Variants in SLC9A9 observed in about 807,000 individuals in gnomAD.
SLC9A9 encodes the protein sodium/hydrogen exchanger 9.
In SLC9A9, 62 loss-of-function variants were observed where a neutral mutation model predicts 77.8. The observed-to-expected ratio is 0.80, with a 90% CI of 0.65 to 0.98. The LOEUF (loss-of-function observed/expected upper bound fraction) is 0.98. Among genes scored for constraint, SLC9A9 ranks in the 50% least tolerant of loss-of-function variants. The probability of loss-of-function intolerance (pLI) is 0.00; values close to 1 mark genes in which losing one functional copy is unlikely to be tolerated. For missense variants in SLC9A9, 775 were observed against 774.9 expected (o/e 1.00, Z 0.00); for synonymous variants, 320 against 283.5 (o/e 1.13, Z -1.29).
At chr3:143,624,471 C>T (rs1396599671) in intron 6 of SLC9A9, among the ~76,000 whole-genome samples, 1 of 152,144 alleles carries the variant, frequency 6.6e-6, no homozygotes, top group African/African-American at 2.4e-5. Context: ...ATATGCAAAT[C>T]GATAAACATA....
intron 13 of SLC9A9, among the ~76,000 whole-genome samples, chr3:143,364,505 A>G (rs1018139660): frequency 4.6e-5 from 7 of 152,218 alleles, no homozygotes; most frequent in African/African-American, 1.7e-4. Flanking sequence ...GACCCACGGA[A>G]GACAATGAAA....
chr3:143,749,315 A>T (rs1192863520), intron 4 of SLC9A9, among the ~76,000 whole-genome samples: 2 of 152,182 alleles, frequency 1.3e-5, no homozygotes, highest in Non-Finnish European at 2.9e-5. Flanking sequence ...TCCCTTTAGA[A>T]AAATGTATCC....
At chr3:143,525,060 C>T (rs961384086) in intron 9 of SLC9A9, among the ~76,000 whole-genome samples, 2 of 151,952 alleles carry the variant, frequency 1.3e-5, no homozygotes, top group African/African-American at 4.8e-5. Context: ...GAAAAATAGA[C>T]TAAGACAATG....
At chr3:143,840,455 A>G (rs1458527987) in intron 1 of SLC9A9, among the ~76,000 whole-genome samples, 1 of 152,210 alleles carries the variant, frequency 6.6e-6, no homozygotes, top group Non-Finnish European at 1.5e-5. Flanking sequence ...TTCTCAAACT[A>G]TTTATAGTAC....
chr3:143,719,681 T>C (rs1431870725), intron 4 of SLC9A9, among the ~76,000 whole-genome samples: 1 of 152,198 alleles, frequency 6.6e-6, no homozygotes, highest in Non-Finnish European at 1.5e-5. Context: ...AATTTCTTTT[T>C]AAGAACATTT....
chr3:143,815,914 C>T (rs1163077382), intron 2 of SLC9A9, among the ~76,000 whole-genome samples: 1 of 152,074 alleles, frequency 6.6e-6, no homozygotes, highest in African/African-American at 2.4e-5. Flanking sequence ...AAAACCTGAC[C>T]TAATATAATC....
chr3:143,706,271 C>T (rs964064875), intron 4 of SLC9A9, among the ~76,000 whole-genome samples: 4 of 152,162 alleles, frequency 2.6e-5, no homozygotes, highest in African/African-American at 7.2e-5. Context: ...TTACAGAGAT[C>T]GATCGGGGAG....
At chr3:143,450,313 T>C (rs368016703) in intron 12 of SLC9A9, among the ~76,000 whole-genome samples, 5 of 148,160 alleles carry the variant, frequency 3.4e-5, no homozygotes, top group African/African-American at 1.2e-4. Flanking sequence ...AAATAATTTT[T>C]ATATTAGTTT....
chr3:143,499,590 C>T (rs1350980381), intron 9 of SLC9A9, among the ~76,000 whole-genome samples: 1 of 151,684 alleles, frequency 6.6e-6, no homozygotes, highest in East Asian at 1.9e-4. Flanking sequence ...GGTTTTTTTC[C>T]TTTCCAGTCA....
intron 5 of SLC9A9, among the ~76,000 whole-genome samples, chr3:143,674,481 A>AT (rs746565134): frequency 1.1e-4 from 16 of 152,116 alleles, no homozygotes; most frequent in South Asian, 4.1e-4. Flanking sequence ...TTCACCCATA[A>AT]ACACACGAGC....
At chr3:143,333,246 A>AC (rs1384350505) in intron 14 of SLC9A9, among the ~76,000 whole-genome samples, 3 of 104,250 alleles carry the variant, frequency 2.9e-5, no homozygotes. Context: ...CCCACCCCCC[A>AC]CCCAAATCAG....
At chr3:143,553,969 T>G (rs1302536274) in intron 8 of SLC9A9, among the ~76,000 whole-genome samples, 1 of 152,228 alleles carries the variant, frequency 6.6e-6, no homozygotes, top group African/African-American at 2.4e-5. Flanking sequence ...GATTACCCTG[T>G]ATACTGTTTT....
chr3:143,383,556 A>T (rs983126777), intron 12 of SLC9A9, among the ~76,000 whole-genome samples: 3 of 152,248 alleles, frequency 2.0e-5, no homozygotes, highest in Admixed American at 6.5e-5. Flanking sequence ...TTACAAAAAT[A>T]TAAGACCATG....
intron 4 of SLC9A9, among the ~76,000 whole-genome samples, chr3:143,735,895 A>G (rs1934929626): frequency 6.6e-6 from 1 of 152,172 alleles, no homozygotes; most frequent in East Asian, 1.9e-4. Flanking sequence ...ATTTTTTTCA[A>G]TGGTAATTGT....
intron 14 of SLC9A9, among the ~76,000 whole-genome samples, chr3:143,295,367 T>C (rs1277497815): frequency 6.6e-6 from 1 of 152,236 alleles, no homozygotes; most frequent in Non-Finnish European, 1.5e-5. Context: ...GTGGCTTTCC[T>C]GATGCAGACA....
At chr3:143,589,187 A>G (rs1344616639) in intron 6 of SLC9A9, among the ~76,000 whole-genome samples, 1 of 152,204 alleles carries the variant, frequency 6.6e-6, no homozygotes, top group Non-Finnish European at 1.5e-5. Flanking sequence ...TGTGTCAAGC[A>G]CTATGTTAAG....
At position 143,570,252 on chromosome 3, in the gene SLC9A9, G is replaced by A. The variant is rs182179608; in HGVS notation, c.1000+3836C>T. Among the ~76,000 whole-genome samples the A allele has an allele frequency of 5.9e-5, 9 of 152,188 alleles. No homozygotes were observed. The East Asian group carries it at 1.7e-3, about 29-fold the overall frequency. On this transcript the variant is annotated intron_variant, in intron 8 of 15. Coordinates refer to ENST00000316549, the MANE Select transcript of SLC9A9 (RefSeq NM_173653.4). ...AAGAAATACAAACAGCCAATGACCT[G>A]TAATTAAAAAAGCTTCTCCTTCATA...
intron 12 of SLC9A9, among the ~76,000 whole-genome samples, chr3:143,439,905 A>G (rs1309266724): frequency 6.6e-6 from 1 of 151,888 alleles, no homozygotes; most frequent in Non-Finnish European, 1.5e-5. Flanking sequence ...TCAGGCACCA[A>G]CCTCTGGGCC....
At chr3:143,692,501 G>A (rs1457433454) in intron 5 of SLC9A9, among the ~76,000 whole-genome samples, 1 of 152,106 alleles carries the variant, frequency 6.6e-6, no homozygotes, top group African/African-American at 2.4e-5. Flanking sequence ...GTATAAATAA[G>A]GTGATTGCCC....
Sources: gnomAD v4.1 joint callset for allele counts (sites outside exome capture counted in the v4.1 genomes callset) on GRCh38, gnomAD v4.1.1 for gene constraint, MANE v1.5 for transcripts, NCBI Gene and HGNC (gene_info 2026-07-23, HGNC 2026-07-21) for gene names.